PLS1: variants seen among roughly 807,000 people sequenced by gnomAD.
PLS1 encodes the protein plastin-1.
In PLS1, 32 loss-of-function variants were observed where a neutral mutation model predicts 73.7. The ratio of observed to expected loss-of-function variants is 0.43; its 90% CI spans 0.33 to 0.58. The LOEUF (loss-of-function observed/expected upper bound fraction) is 0.58, where lower values mean the gene tolerates loss of function less well. Among genes scored for constraint, PLS1 ranks in the 20% least tolerant of loss-of-function variants. The probability of loss-of-function intolerance (pLI) is 0.04; values close to 1 mark genes in which losing one functional copy is unlikely to be tolerated. For synonymous variants in PLS1, 217 were observed against 261.3 expected (o/e 0.83, Z 1.63); for missense variants, 633 against 740.5 (o/e 0.85, Z 1.68).
chr3:142,686,275 T>G lies in PLS1; in HGVS notation c.889-9T>G. ...TTTTAAAAATGCTATTTCATATCTT[T>G]CCTTGAAGGACTCGAGAGCCTATTT... On this transcript the variant is annotated splice_polypyrimidine_tract_variant and intron_variant, in intron 8 of 15. Transcript: ENST00000457734. 1 of 1,533,230 alleles carries G rather than the reference T, an allele frequency of 6.5e-7. No homozygotes were observed. Among genetic ancestry groups the G allele is most frequent in the Non-Finnish European group, 9.0e-7 (1 of 1,108,390 alleles). 95.0% of individuals were successfully genotyped at this position (1,533,230 alleles called of 1,614,324 possible).
chr3:142,709,813 C>T (rs532317178), intron 14 of PLS1, among the ~76,000 whole-genome samples: 11 of 88,786 alleles, frequency 1.2e-4, no homozygotes, highest in Non-Finnish European at 1.6e-4. Context: ...CGAGACTCTG[C>T]GTCAAAAAAA....
rs1190941521 is a variant in PLS1, at chr3:142,676,281, CCTT to C, written c.493_495del (p.Leu165del). The C allele has an allele frequency of 1.2e-6, 2 of 1,612,460 alleles. No individual in the cohort carries two copies. The highest frequency in any genetic ancestry group is 1.7e-6 in the Non-Finnish European group (2 of 1,179,526). ...TTTTCAAGTCACTTGCAGATGGCAT[CCTT>C]CTTTGGTGAGTTGAACTTCTGGTTA... is the stretch of plus-strand genomic sequence containing the variant. On this transcript the variant is annotated inframe_deletion, in exon 5 of 16. Coordinates refer to ENST00000457734, the MANE Select transcript of PLS1 (RefSeq NM_001145319.2).
intron 6 of PLS1, among the ~76,000 whole-genome samples, chr3:142,679,342 C>T (rs1250802576): frequency 6.7e-6 from 1 of 149,572 alleles, no homozygotes; most frequent in African/African-American, 2.5e-5. Flanking sequence ...ACATGAAGTC[C>T]TTGCCCATGC....
rs1933205870 is a variant in PLS1 at position 142,713,019 on chromosome 3, C to A, written c.*1012C>A. On this transcript the variant is annotated 3_prime_UTR_variant, in exon 16 of 16. Coordinates refer to ENST00000457734, the MANE Select transcript of PLS1 (RefSeq NM_001145319.2). The stretch of plus-strand genomic sequence containing the variant: ...TTGCTAGTTTAGGTCTCTATAGAAG[C>A]CCTATATAATTTAGAATATGCCCAC... The A allele has an allele frequency of 6.6e-6, 1 of 152,422 alleles. No homozygotes were observed. The highest frequency in any genetic ancestry group is 6.6e-5 in the Admixed American group (1 of 15,256). The allele number at this position is 152,422 out of a possible 1,614,324, so 9.4% of individuals were successfully genotyped here.
intron 6 of PLS1, among the ~76,000 whole-genome samples, chr3:142,679,738 G>T (rs1179823569): frequency 6.6e-6 from 1 of 152,114 alleles, no homozygotes; most frequent in Non-Finnish European, 1.5e-5. Context: ...TTTGGCTTAG[G>T]ATTGACTTGG....
rs1303927856 is a variant in PLS1 at position 142,608,246 on chromosome 3, A to G, written c.-37+11737A>G. Among the ~76,000 whole-genome samples, 6 of 152,340 alleles carry G rather than the reference A, an allele frequency of 3.9e-5. No individual in the cohort carries two copies. The South Asian group carries it at 1.2e-3, about 32-fold the overall frequency. On this transcript the variant is annotated intron_variant, in intron 1 of 15. Coordinates refer to ENST00000457734, the MANE Select transcript of PLS1 (RefSeq NM_001145319.2). ...GTTTTCCTAACAAGAGCTTGATCACATTGGAAGATGATCAAATTCGGTAGT... is the reference window on the plus strand; with the variant it reads ...GTTTTCCTAACAAGAGCTTGATCACGTTGGAAGATGATCAAATTCGGTAGT...
chr3:142,639,676 C>G (rs931023825), intron 1 of PLS1, among the ~76,000 whole-genome samples: 1 of 152,140 alleles, frequency 6.6e-6, no homozygotes, highest in Non-Finnish European at 1.5e-5. Context: ...CTTACATCCC[C>G]CAACTAGTTT....
At chr3:142,681,138 C>T (rs554812405) in intron 6 of PLS1, among the ~76,000 whole-genome samples, 1 of 152,206 alleles carries the variant, frequency 6.6e-6, no homozygotes, top group Admixed American at 6.5e-5. Flanking sequence ...CCTCTCAGAT[C>T]CACTCTGTGG....
intron 1 of PLS1, among the ~76,000 whole-genome samples, chr3:142,609,067 A>G (rs77829807): frequency 0.039 from 5,906 of 152,304 alleles, 387 homozygotes; most frequent in African/African-American, 0.14. Context: ...AAATGGAATA[A>G]TAAAGTTGCA....
chr3:142,663,882 T>C (rs920224470), intron 1 of PLS1, among the ~76,000 whole-genome samples: 4 of 152,236 alleles, frequency 2.6e-5, no homozygotes, highest in African/African-American at 9.6e-5. Flanking sequence ...TTTCTCAAAC[T>C]TGAAATGCAA....
chr3:142,711,658 G>A (rs1458355175), intron 15 of PLS1, 33 bp downstream of exon 15: 3 of 1,550,108 alleles, frequency 1.9e-6, no homozygotes, highest in Non-Finnish European at 2.6e-6. Context: ...ACAATACATG[G>A]CCCTTTAATT....
chr3:142,697,522 T>C (rs987960944), intron 11 of PLS1, among the ~76,000 whole-genome samples: 3 of 152,200 alleles, frequency 2.0e-5, no homozygotes, highest in Middle Eastern at 3.2e-3. Flanking sequence ...TACATTTGAC[T>C]CTAAATTTTT....
chr3:142,618,569 C>T (rs1159906341), intron 1 of PLS1, among the ~76,000 whole-genome samples: 1 of 152,114 alleles, frequency 6.6e-6, no homozygotes, highest in Non-Finnish European at 1.5e-5. Flanking sequence ...TGGCAGAATT[C>T]GGTTTCTTTT....
At chr3:142,685,176 C>T (rs780191689) in intron 8 of PLS1, among the ~76,000 whole-genome samples, 2 of 152,202 alleles carry the variant, frequency 1.3e-5, no homozygotes, top group Non-Finnish European at 2.9e-5. Context: ...ATCTACTATA[C>T]ACTGTTATAT....
intron 6 of PLS1, among the ~76,000 whole-genome samples, chr3:142,682,205 G>C (rs1038371621): frequency 6.6e-6 from 1 of 152,106 alleles, no homozygotes; most frequent in African/African-American, 2.4e-5. Context: ...AATAGCAAGG[G>C]GAGGATTTTA....
At chr3:142,625,094 A>T (rs2036394219) in intron 1 of PLS1, among the ~76,000 whole-genome samples, 1 of 152,178 alleles carries the variant, frequency 6.6e-6, no homozygotes, top group Non-Finnish European at 1.5e-5. Flanking sequence ...TGCCTCTGTG[A>T]TGACTTAACA....
intron 12 of PLS1, among the ~76,000 whole-genome samples, chr3:142,701,649 C>G (rs1375089810): frequency 6.6e-6 from 1 of 152,182 alleles, no homozygotes; most frequent in Non-Finnish European, 1.5e-5. Flanking sequence ...ATGCTAGCAC[C>G]TATTTCCAGT....
intron 1 of PLS1, among the ~76,000 whole-genome samples, chr3:142,608,868 C>T (rs576351124): frequency 6.6e-6 from 1 of 152,302 alleles, no homozygotes; most frequent in Admixed American, 6.5e-5. Flanking sequence ...GCCTGAGGGT[C>T]ATAAAGCAGG....
At chr3:142,690,636 TCTC>T (rs2038066963) in intron 10 of PLS1, among the ~76,000 whole-genome samples, 1 of 152,210 alleles carries the variant, frequency 6.6e-6, no homozygotes, top group African/African-American at 2.4e-5. Context: ...TCTTTATCCT[TCTC>T]CTGTGACAAA....
Sources: allele counts gnomAD v4.1 joint callset (sites outside exome capture counted in the v4.1 genomes callset), GRCh38; gene constraint gnomAD v4.1.1; transcripts MANE v1.5; gene names NCBI Gene and HGNC (gene_info 2026-07-23, HGNC 2026-07-21).